B4GALT6: variants seen among roughly 807,000 people sequenced by gnomAD.
B4GALT6 encodes beta-1,4-galactosyltransferase 6, also known as UDP-Gal:beta-GlcNAc beta-1,4-galactosyltransferase 6.
Under a neutral mutation model 46.3 loss-of-function variants are expected in B4GALT6, and 14 were observed. That is an observed-to-expected ratio of 0.30 (90% CI 0.20 to 0.47). The LOEUF (loss-of-function observed/expected upper bound fraction) is 0.47. B4GALT6 is among the 20% of genes least tolerant of loss of function. The pLI, the probability that B4GALT6 is intolerant of heterozygous loss-of-function variation, is 0.99. For missense variants in B4GALT6, 386 were observed against 480.1 expected, an observed-to-expected ratio of 0.80 and a Z score of 1.83; for synonymous variants, 168 against 162.0, an observed-to-expected ratio of 1.04 and a Z score of -0.28.
intron 1 of B4GALT6, among the ~76,000 whole-genome samples, chr18:31,674,673 CA>C (rs2074396022): frequency 6.6e-6 from 1 of 152,054 alleles, no homozygotes; most frequent in East Asian, 1.9e-4. Flanking sequence ...AATAAATCCC[CA>C]AGAATTACTC....
chr18:31,659,846 C>T (rs1260403510), intron 2 of B4GALT6, among the ~76,000 whole-genome samples: 5 of 151,966 alleles, frequency 3.3e-5, no homozygotes, highest in African/African-American at 1.2e-4. Context: ...ACAGACACTA[C>T]ACTGGTAGCC....
chr18:31,685,758 G>C (rs898831424), upstream of B4GALT6: 1 of 152,286 alleles, frequency 6.6e-6, no homozygotes, highest in Non-Finnish European at 1.5e-5. Flanking sequence ...CTCCAAAAGG[G>C]GACTTCGCGG....
At chr18:31,643,829 C>A (rs559973820) in intron 4 of B4GALT6, among the ~76,000 whole-genome samples, 1 of 152,212 alleles carries the variant, frequency 6.6e-6, no homozygotes, top group African/African-American at 2.4e-5. Flanking sequence ...AGTATGCTAC[C>A]CAGAGCACAC....
intron 3 of B4GALT6, among the ~76,000 whole-genome samples, chr18:31,657,536 C>G (rs1318547933): frequency 6.6e-6 from 1 of 152,174 alleles, no homozygotes; most frequent in African/African-American, 2.4e-5. Context: ...TCAGCAAACT[C>G]TCAGTAGAGG....
the B4GALT6 span, among the ~76,000 whole-genome samples, chr18:31,714,110 T>A: frequency 6.6e-6 from 1 of 152,234 alleles, no homozygotes; most frequent in Non-Finnish European, 1.5e-5. Flanking sequence ...ATAGGCCACA[T>A]GCAACTATTT....
At chr18:31,644,402 G>C (rs2073966428) in intron 4 of B4GALT6, among the ~76,000 whole-genome samples, 1 of 151,992 alleles carries the variant, frequency 6.6e-6, no homozygotes, top group Non-Finnish European at 1.5e-5. Flanking sequence ...TCTTTTTCAT[G>C]AGTTTAACAG....
chr18:31,682,733 T>C (rs543300656), intron 1 of B4GALT6, among the ~76,000 whole-genome samples: 15 of 152,230 alleles, frequency 9.9e-5, no homozygotes, highest in African/African-American at 3.6e-4. Flanking sequence ...TGAAAAAAAC[T>C]TTCTCCAAAA....
the B4GALT6 span, among the ~76,000 whole-genome samples, chr18:31,712,287 A>ATTTTTTTTTTTTTT: frequency 2.1e-4 from 18 of 84,624 alleles, 2 homozygotes; most frequent in Non-Finnish European, 3.2e-4. Context: ...CTGGGACGTT[A>ATTTTTTTTTTTTTT]TTTTTTTTTT....
intron 3 of B4GALT6, among the ~76,000 whole-genome samples, chr18:31,651,674 C>A (rs2074069769): frequency 6.6e-6 from 1 of 152,178 alleles, no homozygotes; most frequent in Non-Finnish European, 1.5e-5. Context: ...TCCATGCTCA[C>A]TCTTCAACCT....
chr18:31,712,868 T>A, the B4GALT6 span, among the ~76,000 whole-genome samples: 68 of 152,270 alleles, frequency 4.5e-4, 2 homozygotes, highest in South Asian at 0.013. Flanking sequence ...CAGTTACATT[T>A]TTGCATGGTT....
the B4GALT6 span, among the ~76,000 whole-genome samples, chr18:31,699,281 T>C: frequency 7.0e-4 from 106 of 150,882 alleles, 1 homozygote; most frequent in African/African-American, 2.5e-3. Context: ...TTTCTTTTTT[T>C]TTTTTTTTTG....
the B4GALT6 span, among the ~76,000 whole-genome samples, chr18:31,707,231 CT>C: frequency 0.53 from 74,555 of 139,946 alleles, 19,909 homozygotes; most frequent in South Asian, 0.67. Context: ...TCTTTTCTTT[CT>C]TTTTTTTTTT....
At position 31,631,156 on chromosome 18, in the gene B4GALT6, G is replaced by A. The variant is rs763592255; in HGVS notation, c.589-10C>T. 1 of 1,588,224 alleles carries A rather than the reference G, an allele frequency of 6.3e-7. No homozygotes were observed. Among genetic ancestry groups the A allele is most frequent in the Admixed American group, 1.8e-5 (1 of 54,722 alleles). ...AAGGTTGTGTGCCAGTCTTCATGGA[G>A]CAGACCGAGAGAAAAAAATAGAAAT... On this transcript the variant is annotated splice_polypyrimidine_tract_variant and intron_variant, in intron 5 of 8. Transcript: ENST00000306851.
the B4GALT6 span, among the ~76,000 whole-genome samples, chr18:31,720,171 C>G: frequency 6.6e-6 from 1 of 152,204 alleles, no homozygotes; most frequent in Non-Finnish European, 1.5e-5. Flanking sequence ...AGGTTAGAAG[C>G]AAGATGGAGT....
At chr18:31,627,207 G>T in intron 6 of B4GALT6, 86 bp from the exon 7 acceptor site, 2 of 1,119,258 alleles carry the variant, frequency 1.8e-6, no homozygotes, top group Non-Finnish European at 2.5e-6. Context: ...TATGTGCTTT[G>T]CAAAATATGC....
At chr18:31,711,367 T>C in the B4GALT6 span, among the ~76,000 whole-genome samples, 4 of 152,146 alleles carry the variant, frequency 2.6e-5, no homozygotes, top group East Asian at 7.7e-4. Context: ...AGTACTAACT[T>C]CGTACCCAAT....
At chr18:31,651,369 C>CT (rs139301171) in intron 3 of B4GALT6, among the ~76,000 whole-genome samples, 81 of 151,684 alleles carry the variant, frequency 5.3e-4, no homozygotes, top group Middle Eastern at 3.4e-3. Flanking sequence ...ACAAGTGTCA[C>CT]TTTTTTTTTG....
intron 3 of B4GALT6, among the ~76,000 whole-genome samples, chr18:31,651,439 C>G (rs1197078135): frequency 6.6e-6 from 1 of 152,050 alleles, no homozygotes; most frequent in Non-Finnish European, 1.5e-5. Context: ...TAGTCACCTT[C>G]TAATTTATGA....
chr18:31,664,187 A>G (rs959575048), intron 2 of B4GALT6, among the ~76,000 whole-genome samples: 1 of 123,672 alleles, frequency 8.1e-6, no homozygotes, highest in Admixed American at 8.2e-5. Flanking sequence ...ACTATGAGTT[A>G]ACCATGGAGC....
Sources: gnomAD v4.1 joint callset for allele counts (sites outside exome capture counted in the v4.1 genomes callset) on GRCh38, gnomAD v4.1.1 for gene constraint, MANE v1.5 for transcripts, NCBI Gene and HGNC (gene_info 2026-07-23, HGNC 2026-07-21) for gene names.